Variants in BLTP1 observed in about 807,000 individuals in gnomAD.
BLTP1 encodes fragile site-associated protein.
chr4:122,329,131 T>G, the BLTP1 span, among the ~76,000 whole-genome samples: 1 of 151,756 alleles, frequency 6.6e-6, no homozygotes, highest in Admixed American at 6.6e-5. Context: ...TTTTCTGGAG[T>G]ACATTCTCAA....
the BLTP1 span, chr4:122,190,496 A>G: frequency 4.1e-4 from 351 of 866,258 alleles, 3 homozygotes; most frequent in African/African-American, 6.1e-3. Context: ...AGCCATCAGG[A>G]AATGGTAAAT....
chr4:122,281,581 A>G, the BLTP1 span: 1 of 1,612,514 alleles, frequency 6.2e-7, no homozygotes, highest in Admixed American at 1.7e-5. Context: ...TACCTTCTGA[A>G]AAAACCCCAA....
chr4:122,185,510 TG>T, the BLTP1 span: 4 of 792,184 alleles, frequency 5.0e-6, no homozygotes, highest in Non-Finnish European at 6.1e-6. Context: ...TTCTACTTAA[TG>T]TAATTATGTC....
At chr4:122,255,682 A>T in the BLTP1 span, among the ~76,000 whole-genome samples, 1 of 152,132 alleles carries the variant, frequency 6.6e-6, no homozygotes, top group South Asian at 2.1e-4. Flanking sequence ...AAGTCTATAG[A>T]CAAAGAGTGT....
chr4:122,294,336 C>A, the BLTP1 span, among the ~76,000 whole-genome samples: 14 of 152,216 alleles, frequency 9.2e-5, no homozygotes, highest in African/African-American at 3.4e-4. Flanking sequence ...TCTCCAGACA[C>A]CTCCTGTAGG....
At chr4:122,348,894 ACAT>A in the BLTP1 span, 1 of 547,344 alleles carries the variant, frequency 1.8e-6, no homozygotes. Flanking sequence ...GCAATATAAA[ACAT>A]CATGAAATAT....
chr4:122,163,162 C>T, the BLTP1 span, among the ~76,000 whole-genome samples: 2 of 151,988 alleles, frequency 1.3e-5, no homozygotes, highest in African/African-American at 2.4e-5. Flanking sequence ...GATAAAGATT[C>T]AAGGGTATAT....
chr4:122,249,821 C>G, the BLTP1 span: 6 of 1,414,348 alleles, frequency 4.2e-6, no homozygotes, highest in Non-Finnish European at 5.6e-6. Flanking sequence ...GATTATTTAC[C>G]GGGGGTGAGT....
At chr4:122,229,635 G>A in the BLTP1 span, 4 of 762,234 alleles carry the variant, frequency 5.2e-6, no homozygotes, top group Non-Finnish European at 6.4e-6. Flanking sequence ...GCAAAATCAA[G>A]CCTTGTTAAG....
At chr4:122,347,171 T>G in the BLTP1 span, 1 of 984,040 alleles carries the variant, frequency 1.0e-6, no homozygotes, top group Non-Finnish European at 1.2e-6. Context: ...CTAGCTTGCC[T>G]GCATTTGTCT....
chr4:122,195,394 G>C, the BLTP1 span, among the ~76,000 whole-genome samples: 1 of 151,640 alleles, frequency 6.6e-6, no homozygotes, highest in Non-Finnish European at 1.5e-5. Context: ...TTCAGATGAT[G>C]ATTATAATAA....
chr4:122,257,703 A>G, the BLTP1 span, among the ~76,000 whole-genome samples: 5 of 152,334 alleles, frequency 3.3e-5, no homozygotes, highest in South Asian at 4.1e-4. Flanking sequence ...TAGATATTAC[A>G]TACTTGTTAA....
At chr4:122,180,622 C>G in the BLTP1 span, among the ~76,000 whole-genome samples, 2 of 152,290 alleles carry the variant, frequency 1.3e-5, no homozygotes, top group African/African-American at 4.8e-5. Flanking sequence ...TGTAGAACTG[C>G]TTAAGTCTTC....
the BLTP1 span, chr4:122,206,987 A>G: frequency 8.8e-6 from 7 of 792,044 alleles, no homozygotes; most frequent in East Asian, 1.3e-4. Context: ...ATATTTCAGT[A>G]TAAAATTTTT....
chr4:122,327,917 T>A, the BLTP1 span: 2 of 345,532 alleles, frequency 5.8e-6, no homozygotes, highest in Non-Finnish European at 1.0e-5. Context: ...AGTGTAACTT[T>A]CTGTGGTTGG....
the BLTP1 span, chr4:122,353,290 A>T: frequency 7.2e-7 from 1 of 1,388,422 alleles, no homozygotes; most frequent in East Asian, 2.4e-5. This position sits in a 1 kb window ranked among gnomAD's most constrained non-coding sequence, Gnocchi z 4.3. Flanking sequence ...CCAATAAGTC[A>T]ATATTTATAA....
At chr4:122,346,118 TAGA>T in the BLTP1 span, 12 of 414,182 alleles carry the variant, frequency 2.9e-5, no homozygotes, top group Non-Finnish European at 3.9e-5. Flanking sequence ...GAAACTATGG[TAGA>T]AGAATAGAAG....
chr4:122,244,586 G>A, the BLTP1 span: 1 of 901,966 alleles, frequency 1.1e-6, no homozygotes, highest in Non-Finnish European at 1.3e-6. Flanking sequence ...GAATAAAAAT[G>A]AGAATGGAAC....
chr4:122,338,802 C>G, the BLTP1 span, among the ~76,000 whole-genome samples: 1 of 152,144 alleles, frequency 6.6e-6, no homozygotes, highest in Non-Finnish European at 1.5e-5. Flanking sequence ...ACAGTTCAAA[C>G]CTGTGGTGTT....
Sources: gnomAD v4.1 joint callset for allele counts (sites outside exome capture counted in the v4.1 genomes callset) on GRCh38, gnomAD v4.1.1 for gene constraint, Gnocchi (gnomAD v3.1) non-coding constraint, MANE v1.5 for transcripts, NCBI Gene and HGNC (gene_info 2026-07-23, HGNC 2026-07-21) for gene names.